PAWR: variants seen among roughly 807,000 people sequenced by gnomAD.
The protein encoded by PAWR is pro-apoptotic WT1 regulator.
PAWR carries 23 observed loss-of-function variants against 32.0 expected under a neutral mutation model. The ratio of observed to expected loss-of-function variants is 0.72; its 90% CI spans 0.52 to 1.02. The LOEUF (loss-of-function observed/expected upper bound fraction) is 1.02, where lower values mean the gene tolerates loss of function less well. Ranked by LOEUF, PAWR falls within the 50% of genes least tolerant of loss-of-function variation. The pLI is 0.00. For synonymous variants in PAWR, 226 were observed against 187.1 expected (o/e 1.21, Z -1.70); for missense variants, 457 against 437.7 (o/e 1.04, Z -0.39).
At chr12:79,668,676 G>A (rs1051436379) in intron 2 of PAWR, among the ~76,000 whole-genome samples, 3 of 152,294 alleles carry the variant, frequency 2.0e-5, no homozygotes, top group South Asian at 2.1e-4. Context: ...TAAGGGTGCC[G>A]CTCATCTGTC....
At chr12:79,611,847 T>C (rs979647823) in intron 4 of PAWR, among the ~76,000 whole-genome samples, 15 of 152,142 alleles carry the variant, frequency 9.9e-5, no homozygotes, top group African/African-American at 3.1e-4. Context: ...AGAATAAATT[T>C]GCCTTCTGAT....
Position 79,690,011 on chromosome 12 carries a change from C to T in PAWR, c.234G>A (p.Pro78=). The change falls in exon 2 of 7, where the codon CCG becomes CCA. Residue 78 remains proline, a synonymous_variant. Coordinates refer to ENST00000328827, the MANE Select transcript of PAWR (RefSeq NM_002583.4). ...ELNNNLPGGA[P]AAPAVPGPGG... ...CGGGACCGGGGACGGCAGGTGCGGC[C>T]GGCGCGCCGCCCGGGAGGTTGTTGT... 7.7e-7 allele frequency: 1 copy of T among 1,303,264 alleles called. No individual in the cohort carries two copies. The highest frequency in any genetic ancestry group is 9.7e-7 in the Non-Finnish European group (1 of 1,031,844). 80.7% of individuals were successfully genotyped at this position (1,303,264 alleles called of 1,614,324 possible).
chr12:79,666,887 A>C (rs1877633343), intron 2 of PAWR, among the ~76,000 whole-genome samples: 1 of 152,228 alleles, frequency 6.6e-6, no homozygotes, highest in Admixed American at 6.5e-5. Flanking sequence ...AAGGGATCTT[A>C]AGGCTGAAAA....
At position 79,593,698 on chromosome 12, in the gene PAWR, AG is replaced by A. The variant is rs1299000831; in HGVS notation, c.936+630del. On this transcript the variant is annotated intron_variant, in intron 6 of 6. Transcript: ENST00000328827. ...AATAATAATAAAGAGTACCAATTTT[AG>A]GGTTTTTTTTTTTTTTTTTTGAGAC... Among the ~76,000 whole-genome samples, 119 of 140,648 alleles carry A rather than the reference AG, an allele frequency of 8.5e-4. 1 individual carries two copies. Among genetic ancestry groups the A allele is most frequent in the African/African-American group, 9.7e-4 (37 of 38,194 alleles). 92.3% of individuals were successfully genotyped at this position (140,648 alleles called of 152,430 possible).
chr12:79,651,556 G>C (rs554850475), intron 2 of PAWR, among the ~76,000 whole-genome samples: 1 of 152,058 alleles, frequency 6.6e-6, no homozygotes, highest in East Asian at 1.9e-4. Context: ...ATCTAGTCTG[G>C]GCCACAAAAG....
At position 79,626,257 on chromosome 12, in the gene PAWR, T is replaced by A. The variant is rs925481288; in HGVS notation, c.517-5050A>T. On this transcript the variant is annotated intron_variant, in intron 2 of 6. Transcript: ENST00000328827. ...AGAAACTATACAAGCCAGAAAACAA[T>A]GAAATGACTTTTTTTTTTTTGAGAT... Among the ~76,000 whole-genome samples the A allele has an allele frequency of 3.4e-5, 5 of 146,180 alleles. No individual in the cohort carries two copies. In the East Asian group the frequency reaches 1.0e-3, roughly 30 times the overall value.
In PAWR at chr12:79,590,978, TATGTC is replaced by T. The variant is rs1873537171; in HGVS notation, c.*1624_*1628del. On this transcript the variant is annotated 3_prime_UTR_variant, in exon 7 of 7. Transcript: ENST00000328827. ...GGGGAGAAATGCTGATAGATAAAATTATGTCAATTCCAGGGTGTTCAATGGAATAA... is the reference window on the plus strand; with the variant it reads ...GGGGAGAAATGCTGATAGATAAAATTAATTCCAGGGTGTTCAATGGAATAA... 1 of 152,210 alleles carries T rather than the reference TATGTC, an allele frequency of 6.6e-6. No individual in the cohort carries two copies. Among genetic ancestry groups the T allele is most frequent in the Admixed American group, 6.5e-5 (1 of 15,280 alleles). The allele number at this position is 152,210 out of a possible 1,614,324, so 9.4% of individuals were successfully genotyped here. A position where few individuals can be genotyped will look rare whatever the true frequency, so the allele number is the denominator to read the frequency against.
chr12:79,598,621 C>T (rs768553287), intron 4 of PAWR, among the ~76,000 whole-genome samples: 55 of 152,272 alleles, frequency 3.6e-4, no homozygotes, highest in Non-Finnish European at 5.1e-4. Context: ...TAAAAGTGTC[C>T]TATCAAATTT....
chr12:79,666,992 G>A (rs1877639890), intron 2 of PAWR, among the ~76,000 whole-genome samples: 1 of 152,172 alleles, frequency 6.6e-6, no homozygotes. Context: ...ACCTGCCTCT[G>A]ACCTAGAAGC....
intron 2 of PAWR, among the ~76,000 whole-genome samples, chr12:79,626,172 A>G (rs1875303783): frequency 6.9e-6 from 1 of 144,822 alleles, no homozygotes; most frequent in Admixed American, 6.7e-5. Context: ...TTAAAAAAAA[A>G]AAAAAAAAAA....
chr12:79,642,977 C>T (rs8176835), intron 2 of PAWR, among the ~76,000 whole-genome samples: 6,083 of 152,172 alleles, frequency 0.04, 184 homozygotes, highest in Non-Finnish European at 0.062. Flanking sequence ...AATAGGAATT[C>T]TTTTAAATTG....
At chr12:79,673,463 G>A (rs772716005) in intron 2 of PAWR, among the ~76,000 whole-genome samples, 1 of 152,210 alleles carries the variant, frequency 6.6e-6, no homozygotes, top group Non-Finnish European at 1.5e-5. Context: ...TGTTCTTCAA[G>A]TTTGCTTCCT....
chr12:79,627,556 T>C (rs1875399482), intron 2 of PAWR, among the ~76,000 whole-genome samples: 1 of 152,248 alleles, frequency 6.6e-6, no homozygotes, highest in East Asian at 1.9e-4. Flanking sequence ...TTCACTCTGA[T>C]GGTAGTTTCT....
rs1592483782 is a variant in PAWR, at chr12:79,587,424, C to T, written c.*5183G>A. 2 of 152,016 alleles carry T rather than the reference C, an allele frequency of 1.3e-5. No homozygotes were observed. Among genetic ancestry groups the T allele is most frequent in the East Asian group, 3.9e-4 (2 of 5,192 alleles). 9.4% of individuals were successfully genotyped at this position (152,016 alleles called of 1,614,324 possible). ...TAGGCCCCTACTTATCTTTTACAAACTTTGAAGGACCTGAAATTCTTTGGA... is the reference window on the plus strand; with the variant it reads ...TAGGCCCCTACTTATCTTTTACAAATTTTGAAGGACCTGAAATTCTTTGGA... On this transcript the variant is annotated 3_prime_UTR_variant, in exon 7 of 7. Coordinates refer to ENST00000328827, the MANE Select transcript of PAWR (RefSeq NM_002583.4).
At position 79,682,286 on chromosome 12, in the gene PAWR, G is replaced by A. The variant is rs141958372; in HGVS notation, c.516+7443C>T. Among the ~76,000 whole-genome samples, 4 of 152,212 alleles carry A rather than the reference G, an allele frequency of 2.6e-5. No homozygotes were observed. In the East Asian group the frequency reaches 7.7e-4, roughly 29 times the overall value. On this transcript the variant is annotated intron_variant, in intron 2 of 6. Coordinates refer to ENST00000328827, the MANE Select transcript of PAWR (RefSeq NM_002583.4). ...CCCACCTTAGCTTCTCAAAGTGGTA[G>A]CATTAGAGGTGTGAGCTATGGCACC...
Position 79,690,309 on chromosome 12 carries a change from C to T in PAWR, c.-65G>A. ...CCACCAGGGCTCCGGCCGCTGCCTC[C>T]TCTTCCTTCCTGCGGCCCCGAGGAT... On this transcript the variant is annotated 5_prime_UTR_variant, in exon 2 of 7. Transcript: ENST00000328827. 1 of 1,375,750 alleles carries T rather than the reference C, an allele frequency of 7.3e-7. No homozygotes were observed. Among genetic ancestry groups the T allele is most frequent in the East Asian group, 3.1e-5 (1 of 32,512 alleles). 85.2% of individuals were successfully genotyped at this position (1,375,750 alleles called of 1,614,324 possible).
In PAWR at chr12:79,689,061, T is replaced by C. The variant is rs556710636; in HGVS notation, c.516+668A>G. On this transcript the variant is annotated intron_variant, in intron 2 of 6. Coordinates refer to ENST00000328827, the MANE Select transcript of PAWR (RefSeq NM_002583.4). ...CCTACCACATGTTTTTCAGACACAG[T>C]ACTCAAAAAGAGATCGTCTTAGCGA... is the stretch of plus-strand genomic sequence containing the variant. Among the ~76,000 whole-genome samples the C allele has an allele frequency of 1.3e-5, 2 of 152,308 alleles. 1 individual carries two copies. The highest frequency in any genetic ancestry group is 4.8e-5 in the African/African-American group (2 of 41,568).
At chr12:79,635,895 A>C (rs150850875) in intron 2 of PAWR, among the ~76,000 whole-genome samples, 1 of 152,250 alleles carries the variant, frequency 6.6e-6, no homozygotes, top group East Asian at 1.9e-4. Context: ...TATTCAATAA[A>C]TGTTTGCTGA....
chr12:79,594,109 A>C (rs1023417077), intron 6 of PAWR, among the ~76,000 whole-genome samples: 2 of 152,140 alleles, frequency 1.3e-5, no homozygotes, highest in Non-Finnish European at 2.9e-5. Flanking sequence ...ACAAATCCAT[A>C]AATCAGTCTA....
Sources: gnomAD v4.1 joint callset for allele counts (sites outside exome capture counted in the v4.1 genomes callset) on GRCh38, gnomAD v4.1.1 for gene constraint, MANE v1.5 for transcripts, NCBI Gene and HGNC (gene_info 2026-07-23, HGNC 2026-07-21) for gene names.